Variants in ARMH3 observed in about 807,000 individuals in gnomAD.
ARMH3 encodes the protein armadillo-like helical domain-containing protein 3.
Under a neutral mutation model 99.1 loss-of-function variants are expected in ARMH3, and 60 were observed. The ratio of observed to expected loss-of-function variants is 0.61; its 90% CI spans 0.49 to 0.75. ARMH3 has a LOEUF of 0.75. ARMH3 is among the 30% of genes least tolerant of loss of function. The probability of loss-of-function intolerance (pLI) is 0.00; values close to 1 mark genes in which losing one functional copy is unlikely to be tolerated. For synonymous variants in ARMH3, 285 were observed against 292.8 expected (o/e 0.97, Z 0.27); for missense variants, 679 against 843.1 (o/e 0.81, Z 2.41).
chr10:102,006,716 G>T, intron 13 of ARMH3, 83 bp from the exon 14 acceptor site: 1 of 1,313,400 alleles, frequency 7.6e-7, no homozygotes, highest in Non-Finnish European at 1.1e-6. Flanking sequence ...ATAAGGACTG[G>T]TATTCTGGAC....
At chr10:101,860,017 G>C (rs187056585) in intron 24 of ARMH3, among the ~76,000 whole-genome samples, 406 of 152,250 alleles carry the variant, frequency 2.7e-3, no homozygotes, top group African/African-American at 9.1e-3. Context: ...TGAAGGTTGA[G>C]CCTTTGTAAA....
intron 19 of ARMH3, among the ~76,000 whole-genome samples, chr10:101,983,311 T>C (rs1357101741): frequency 6.6e-6 from 1 of 152,224 alleles, no homozygotes; most frequent in Non-Finnish European, 1.5e-5. Flanking sequence ...AGACAAGGTC[T>C]CACTCTGTCA....
At chr10:101,919,428 G>C (rs1843215857) in intron 23 of ARMH3, among the ~76,000 whole-genome samples, 1 of 152,062 alleles carries the variant, frequency 6.6e-6, no homozygotes, top group Non-Finnish European at 1.5e-5. Flanking sequence ...GAGACTAGAT[G>C]AACAGCCCTT....
intron 8 of ARMH3, among the ~76,000 whole-genome samples, chr10:102,023,005 A>G (rs1034487114): frequency 6.6e-6 from 1 of 152,028 alleles, no homozygotes; most frequent in Non-Finnish European, 1.5e-5. Context: ...CCTGACCAAC[A>G]TGGAGAAACC....
At chr10:101,868,389 G>C (rs892508340) in intron 24 of ARMH3, among the ~76,000 whole-genome samples, 12 of 152,176 alleles carry the variant, frequency 7.9e-5, no homozygotes, top group African/African-American at 2.9e-4. Flanking sequence ...CGTGGAAAAA[G>C]ACTGGTACCA....
At chr10:102,009,348 A>T in intron 13 of ARMH3, 26 bp downstream of exon 13, 1 of 1,589,672 alleles carries the variant, frequency 6.3e-7, no homozygotes, top group Non-Finnish European at 8.6e-7. Context: ...AGAGAAAAAA[A>T]CACTGGGATT....
At chr10:102,029,271 T>C (rs1280740523) in intron 5 of ARMH3, among the ~76,000 whole-genome samples, 1 of 152,232 alleles carries the variant, frequency 6.6e-6, no homozygotes, top group Non-Finnish European at 1.5e-5. Flanking sequence ...AAAATTCTGA[T>C]AAAATCAAAG....
At chr10:101,896,071 C>CA (rs775081391) in intron 23 of ARMH3, among the ~76,000 whole-genome samples, 51 of 150,000 alleles carry the variant, frequency 3.4e-4, no homozygotes, top group Middle Eastern at 3.4e-3. Flanking sequence ...TACAAAATTA[C>CA]AAAAAAAAAA....
At chr10:101,950,244 T>C (rs80080632) in intron 22 of ARMH3, among the ~76,000 whole-genome samples, 8,449 of 152,014 alleles carry the variant, frequency 0.056, 252 homozygotes, top group African/African-American at 0.059. Flanking sequence ...TTACAAAAAC[T>C]AATAAACCCA....
chr10:101,991,297 T>C (rs565222263), intron 18 of ARMH3, among the ~76,000 whole-genome samples: 1 of 152,284 alleles, frequency 6.6e-6, no homozygotes, highest in African/African-American at 2.4e-5. Flanking sequence ...TTTAATATAC[T>C]CAGGGGAAGT....
chr10:101,975,843 G>C (rs1845971643), intron 19 of ARMH3, among the ~76,000 whole-genome samples: 1 of 144,920 alleles, frequency 6.9e-6, no homozygotes, highest in Non-Finnish European at 1.5e-5. Context: ...CTGGGCAACA[G>C]AGCGAGATTA....
At chr10:101,948,506 G>A (rs559638197) in intron 22 of ARMH3, among the ~76,000 whole-genome samples, 2 of 152,246 alleles carry the variant, frequency 1.3e-5, no homozygotes, top group South Asian at 4.2e-4. Flanking sequence ...TACTACCTGG[G>A]TGAAGGAGGA....
At chr10:102,034,513 G>A (rs2067203359) in intron 2 of ARMH3, among the ~76,000 whole-genome samples, 1 of 151,896 alleles carries the variant, frequency 6.6e-6, no homozygotes, top group Non-Finnish European at 1.5e-5. Flanking sequence ...GTGGGCACCT[G>A]TAGTCCCAGC....
intron 24 of ARMH3, among the ~76,000 whole-genome samples, chr10:101,861,145 T>A (rs1395223669): frequency 1.3e-5 from 2 of 152,092 alleles, no homozygotes; most frequent in African/African-American, 2.4e-5. Flanking sequence ...AAATGGTAGA[T>A]ATAAGGCACA....
At chr10:101,938,686 T>TTTG in intron 23 of ARMH3, among the ~76,000 whole-genome samples, 1 of 152,344 alleles carries the variant, frequency 6.6e-6, no homozygotes, top group East Asian at 1.9e-4. Flanking sequence ...GAGAAGGCAG[T>TTTG]TTGTAATTCC....
At chr10:101,867,068 A>C (rs74153086) in intron 24 of ARMH3, among the ~76,000 whole-genome samples, 1 of 152,206 alleles carries the variant, frequency 6.6e-6, no homozygotes, top group Non-Finnish European at 1.5e-5. Flanking sequence ...GCTTTGTGCA[A>C]TTGCAATTGG....
intron 22 of ARMH3, among the ~76,000 whole-genome samples, chr10:101,953,417 T>C (rs1319924149): frequency 6.6e-6 from 1 of 152,164 alleles, no homozygotes; most frequent in Non-Finnish European, 1.5e-5. Flanking sequence ...TGTGCCATCA[T>C]GCCTGGCTAA....
intron 24 of ARMH3, among the ~76,000 whole-genome samples, chr10:101,855,212 T>C (rs1408747771): frequency 1.4e-5 from 2 of 139,708 alleles, no homozygotes; most frequent in African/African-American, 5.3e-5. Context: ...GGATTACAGG[T>C]GCCTGCCACC....
intron 1 of ARMH3, among the ~76,000 whole-genome samples, chr10:102,048,013 A>G (rs1461118477): frequency 6.6e-6 from 1 of 152,210 alleles, no homozygotes; most frequent in African/African-American, 2.4e-5. Context: ...ACATGTCAAT[A>G]TCAAAGAGGT....
Sources: gnomAD v4.1 joint callset for allele counts (sites outside exome capture counted in the v4.1 genomes callset) on GRCh38, gnomAD v4.1.1 for gene constraint, MANE v1.5 for transcripts, NCBI Gene and HGNC (gene_info 2026-07-23, HGNC 2026-07-21) for gene names.